The following SLIT2 variants were observed in gnomAD, a reference collection of about 807,000 sequenced individuals.
SLIT2 encodes the protein slit homolog 2 protein.
Under a neutral mutation model 185.7 loss-of-function variants are expected in SLIT2, and 41 were observed. That is an observed-to-expected ratio of 0.22 (90% CI 0.17 to 0.29). The LOEUF (loss-of-function observed/expected upper bound fraction) is 0.29. Among genes scored for constraint, SLIT2 ranks in the 10% least tolerant of loss-of-function variants. SLIT2 has a pLI of 1.00. For synonymous variants in SLIT2, 693 were observed against 680.2 expected, an observed-to-expected ratio of 1.02 and a Z score of -0.29; for missense variants, 1,571 against 1,909.0, an observed-to-expected ratio of 0.82 and a Z score of 3.30.
intron 6 of SLIT2, among the ~76,000 whole-genome samples, chr4:20,483,142 A>G (rs1430079117): frequency 6.6e-6 from 1 of 151,994 alleles, no homozygotes; most frequent in African/African-American, 2.4e-5. Flanking sequence ...TCAGATTCCA[A>G]GGGTTTTAGA....
intron 29 of SLIT2, among the ~76,000 whole-genome samples, chr4:20,573,493 G>A (rs950240514): frequency 1.3e-5 from 2 of 152,134 alleles, no homozygotes; most frequent in African/African-American, 4.8e-5. Context: ...ACAATGAATA[G>A]AAACTTTTTG....
chr4:20,614,905 T>C (rs769782892), intron 34 of SLIT2: 2 of 152,224 alleles, frequency 1.3e-5, no homozygotes, highest in Non-Finnish European at 2.9e-5. Flanking sequence ...ATACGTATGA[T>C]GTCTAAACAT....
At position 20,484,090 on chromosome 4, in the gene SLIT2, G is replaced by T. The variant is rs1716972556; in HGVS notation, c.540-2110G>T. On this transcript the variant is annotated intron_variant, in intron 6 of 36. Coordinates refer to ENST00000504154, the MANE Select transcript of SLIT2 (RefSeq NM_004787.4). The surrounding 1 kb of genome is among the most constrained non-coding windows in gnomAD (Gnocchi z 4.3). The stretch of plus-strand genomic sequence containing the variant: ...TTCAAATTGATAACTGAAGTTTTTG[G>T]CATTCAATGAAAGTTTTCCTTTGCA... Among the ~76,000 whole-genome samples, 1 of 151,946 alleles carries T rather than the reference G, an allele frequency of 6.6e-6. No individual in the cohort carries two copies.
At chr4:20,450,320 T>G (rs2148712918) in intron 4 of SLIT2, among the ~76,000 whole-genome samples, 1 of 152,350 alleles carries the variant, frequency 6.6e-6, no homozygotes, top group African/African-American at 2.4e-5. Context: ...CCCTATGGTT[T>G]GGGGCTACAT....
chr4:20,485,105 G>C (rs1334775865), intron 6 of SLIT2, among the ~76,000 whole-genome samples: 1 of 152,042 alleles, frequency 6.6e-6, no homozygotes, highest in African/African-American at 2.4e-5. Flanking sequence ...ACCTCAATGT[G>C]TACCTTTAGT....
chr4:20,472,885 G>T (rs1212111672), intron 5 of SLIT2, among the ~76,000 whole-genome samples: 1 of 151,030 alleles, frequency 6.6e-6, no homozygotes, highest in Non-Finnish European at 1.5e-5. Context: ...AAAGTCTTTT[G>T]TTTTTATGAT....
At chr4:20,346,730 G>A (rs1721442539) in intron 4 of SLIT2, among the ~76,000 whole-genome samples, 1 of 152,196 alleles carries the variant, frequency 6.6e-6, no homozygotes, top group South Asian at 2.1e-4. Flanking sequence ...TCAGTCTGTG[G>A]CCAAAGGCCT....
chr4:20,405,245 C>T (rs1726687948), intron 4 of SLIT2, among the ~76,000 whole-genome samples: 1 of 151,806 alleles, frequency 6.6e-6, no homozygotes, highest in African/African-American at 2.4e-5. Flanking sequence ...TAAATCCATA[C>T]ATTAGGAATT....
intron 4 of SLIT2, among the ~76,000 whole-genome samples, chr4:20,391,161 A>G (rs964624466): frequency 6.6e-6 from 1 of 152,064 alleles, no homozygotes; most frequent in Non-Finnish European, 1.5e-5. Context: ...CCTTTTACCT[A>G]TGTAAATTAC....
chr4:20,526,519 A>G (rs1439359714), intron 15 of SLIT2, among the ~76,000 whole-genome samples: 1 of 152,198 alleles, frequency 6.6e-6, no homozygotes, highest in Non-Finnish European at 1.5e-5. Flanking sequence ...TTATGGCAGT[A>G]ATGTAATTGG....
At chr4:20,567,666 A>T (rs765336202) in intron 28 of SLIT2, 51 bp downstream of exon 28, 6 of 1,332,656 alleles carry the variant, frequency 4.5e-6, no homozygotes, top group Non-Finnish European at 6.5e-6. Flanking sequence ...GAGCAAAGAT[A>T]ACTAAGCCAA....
chr4:20,493,007 T>A (rs938594251), intron 9 of SLIT2, among the ~76,000 whole-genome samples: 2 of 152,110 alleles, frequency 1.3e-5, no homozygotes, highest in Non-Finnish European at 2.9e-5. Context: ...CATAATAATA[T>A]CATTCTCATC....
intron 9 of SLIT2, among the ~76,000 whole-genome samples, chr4:20,510,002 AT>A (rs1719559233): frequency 6.6e-6 from 1 of 152,174 alleles, no homozygotes; most frequent in African/African-American, 2.4e-5. Context: ...TTCAAAATTA[AT>A]TTTGTGAGTA....
chr4:20,423,064 G>C (rs1728285862), intron 4 of SLIT2, among the ~76,000 whole-genome samples: 1 of 151,998 alleles, frequency 6.6e-6, no homozygotes, highest in Non-Finnish European at 1.5e-5. Context: ...CTATGCTTGT[G>C]TCTTCTGGTT....
chr4:20,263,719 T>A (rs576617784), intron 3 of SLIT2, among the ~76,000 whole-genome samples: 2 of 151,956 alleles, frequency 1.3e-5, no homozygotes, highest in African/African-American at 4.8e-5. Context: ...TTCCTCATCT[T>A]TAAAACAGGG....
chr4:20,271,258 C>G (rs1038417641), intron 4 of SLIT2, among the ~76,000 whole-genome samples: 1 of 150,206 alleles, frequency 6.7e-6, no homozygotes, highest in Non-Finnish European at 1.5e-5. Context: ...GAATTTTTGA[C>G]AAATAATGGG....
chr4:20,417,574 T>G (rs1244569399), intron 4 of SLIT2, among the ~76,000 whole-genome samples: 9 of 151,028 alleles, frequency 6.0e-5, no homozygotes, highest in Non-Finnish European at 1.3e-4. Context: ...CAGGCTGGAG[T>G]GCAGTGGTGC....
Position 20,472,551 on chromosome 4 carries a change from T to G in SLIT2, c.467+4728T>G, listed in dbSNP as rs1277377897. Among the ~76,000 whole-genome samples, 2 of 35,096 alleles carry G rather than the reference T, an allele frequency of 5.7e-5. 1 individual carries two copies. The highest frequency in any genetic ancestry group is 8.7e-5 in the Non-Finnish European group (2 of 23,002). 23.0% of individuals were successfully genotyped at this position (35,096 alleles called of 152,430 possible). ...ATATATAGATATATCTATATCTATA[T>G]ATAGATATATATCTATATATAGATA... On this transcript the variant is annotated intron_variant, in intron 5 of 36. Coordinates refer to ENST00000504154, the MANE Select transcript of SLIT2 (RefSeq NM_004787.4).
chr4:20,430,931 T>C (rs570824504), intron 4 of SLIT2, among the ~76,000 whole-genome samples: 1 of 152,296 alleles, frequency 6.6e-6, no homozygotes, highest in Non-Finnish European at 1.5e-5. Flanking sequence ...ACTAACTCTT[T>C]CCTGTATGCC....
Sources: allele counts gnomAD v4.1 joint callset (sites outside exome capture counted in the v4.1 genomes callset), GRCh38; gene constraint gnomAD v4.1.1; non-coding constraint Gnocchi (gnomAD v3.1); transcripts MANE v1.5; gene names NCBI Gene and HGNC (gene_info 2026-07-23, HGNC 2026-07-21).